SCN9A: variants seen among roughly 807,000 people sequenced by gnomAD.
SCN9A encodes the protein sodium voltage-gated channel alpha subunit 9.
A neutral mutation model predicts 187.0 loss-of-function variants in SCN9A; 131 were observed. The ratio of observed to expected loss-of-function variants is 0.70; its 90% CI spans 0.61 to 0.81. The LOEUF is 0.81. SCN9A is among the 30% of genes least tolerant of loss of function. The probability of loss-of-function intolerance (pLI) is 0.00; values close to 1 mark genes in which losing one functional copy is unlikely to be tolerated. For synonymous variants in SCN9A, 809 were observed against 808.6 expected (o/e 1.00, Z -0.01); for missense variants, 2,252 against 2,396.6 (o/e 0.94, Z 1.26).
At chr2:166,319,109 ATAAC>A (rs1324675424) in intron 1 of SCN9A, among the ~76,000 whole-genome samples, 5 of 152,054 alleles carry the variant, frequency 3.3e-5, no homozygotes, top group Admixed American at 6.6e-5. Flanking sequence ...CAAAAATAAG[ATAAC>A]TAACTAAAAA....
intron 11 of SCN9A, among the ~76,000 whole-genome samples, chr2:166,285,156 C>T (rs1398163511): frequency 2.0e-5 from 3 of 152,120 alleles, no homozygotes; most frequent in African/African-American, 7.2e-5. Flanking sequence ...CTTAGTATTG[C>T]TACTGGTCAT....
intron 20 of SCN9A, among the ~76,000 whole-genome samples, chr2:166,236,430 A>T (rs1479812894): frequency 2.7e-5 from 4 of 149,722 alleles, no homozygotes; most frequent in East Asian, 3.9e-4. Context: ...AATTATTATT[A>T]TTTTTTTTGA....
intron 21 of SCN9A, 120 bp downstream of exon 21, chr2:166,233,220 C>A: frequency 1.6e-6 from 1 of 625,242 alleles, no homozygotes; most frequent in Non-Finnish European, 2.5e-6. Flanking sequence ...CACACACATA[C>A]ATAAACAGCC....
chr2:166,308,848 C>G (rs2106530484), intron 2 of SCN9A, among the ~76,000 whole-genome samples: 2 of 147,884 alleles, frequency 1.4e-5, no homozygotes, highest in East Asian at 4.0e-4. Context: ...ATGGCGTGAA[C>G]CCGGGAGGCG....
At chr2:166,308,374 C>T (rs1181391724) in intron 2 of SCN9A, among the ~76,000 whole-genome samples, 2 of 152,028 alleles carry the variant, frequency 1.3e-5, no homozygotes, top group Admixed American at 6.6e-5. Context: ...ATCATGGGAG[C>T]GGTTTCCCCA....
At chr2:166,366,784 G>A (rs986499389) in intron 1 of SCN9A, among the ~76,000 whole-genome samples, 3 of 152,056 alleles carry the variant, frequency 2.0e-5, no homozygotes, top group Non-Finnish European at 2.9e-5. Flanking sequence ...AGATTGAGAC[G>A]TATCATAGAA....
At chr2:166,364,584 A>T (rs1376972660) in intron 1 of SCN9A, among the ~76,000 whole-genome samples, 1 of 152,194 alleles carries the variant, frequency 6.6e-6, no homozygotes, top group Non-Finnish European at 1.5e-5. Context: ...AGACATGAAA[A>T]GACAAATGCT....
At chr2:166,367,846 C>T (rs978842430) in intron 1 of SCN9A, among the ~76,000 whole-genome samples, 1 of 152,186 alleles carries the variant, frequency 6.6e-6, no homozygotes, top group African/African-American at 2.4e-5. Context: ...TTTGACTTAA[C>T]ACAATATACC....
intron 20 of SCN9A, 23 bp from the exon 21 acceptor site, chr2:166,233,485 A>T: frequency 1.3e-6 from 2 of 1,538,228 alleles, no homozygotes; most frequent in Non-Finnish European, 1.7e-6. Flanking sequence ...CATTTTCATT[A>T]ATTGTGTCAA....
chr2:166,337,815 G>T (rs1396787414), intron 1 of SCN9A, among the ~76,000 whole-genome samples: 1 of 152,044 alleles, frequency 6.6e-6, no homozygotes, highest in East Asian at 1.9e-4. Flanking sequence ...TCGGTAAAAT[G>T]AGTATGAAAA....
intron 18 of SCN9A, among the ~76,000 whole-genome samples, chr2:166,249,146 C>A (rs761841211): frequency 2.0e-5 from 3 of 152,092 alleles, no homozygotes; most frequent in Non-Finnish European, 2.9e-5. Context: ...CTTTACATCA[C>A]GGAAGAAACG....
At chr2:166,284,874 A>G (rs748206602) in intron 11 of SCN9A, 50 bp from the exon 12 acceptor site, 4 of 1,507,408 alleles carry the variant, frequency 2.7e-6, no homozygotes, top group Non-Finnish European at 3.5e-6. Context: ...TACTGATAGA[A>G]GTACACTTCA....
At chr2:166,357,311 A>G (rs1700173172) in intron 1 of SCN9A, among the ~76,000 whole-genome samples, 1 of 152,246 alleles carries the variant, frequency 6.6e-6, no homozygotes, top group South Asian at 2.1e-4. Flanking sequence ...TTGCCATAAT[A>G]AAATATTGCC....
Position 166,325,505 on chromosome 2 carries a change from A to G in SCN9A, c.-50-13699T>C, listed in dbSNP as rs150021077. On this transcript the variant is annotated intron_variant, in intron 1 of 26. Transcript: ENST00000642356. ...GAGTCACAATGTCTGAGTCCTAATTATACTTGAGAGTCATTATGTCTTATT... is the reference window on the plus strand; with the variant it reads ...GAGTCACAATGTCTGAGTCCTAATTGTACTTGAGAGTCATTATGTCTTATT... Among the ~76,000 whole-genome samples, 936 of 152,210 alleles carry G rather than the reference A, an allele frequency of 6.1e-3. 8 individuals are homozygous for G. Among genetic ancestry groups the G allele is most frequent in the African/African-American group, 0.021 (871 of 41,554 alleles).
At chr2:166,286,274 A>G in intron 11 of SCN9A, 62 bp downstream of exon 11, 3 of 1,493,228 alleles carry the variant, frequency 2.0e-6, no homozygotes, top group Non-Finnish European at 2.7e-6. Context: ...TTACCCTAAA[A>G]TAAGACATTT....
chr2:166,274,809 C>G (rs1697160540), intron 16 of SCN9A, among the ~76,000 whole-genome samples: 1 of 152,196 alleles, frequency 6.6e-6, no homozygotes, highest in South Asian at 2.1e-4. Flanking sequence ...AACTCTCACA[C>G]CAGTGTCCAT....
intron 20 of SCN9A, 54 bp from the exon 21 acceptor site, chr2:166,233,516 G>T: frequency 1.4e-6 from 2 of 1,451,364 alleles, no homozygotes; most frequent in Admixed American, 2.7e-5. Flanking sequence ...AAGCATAAAA[G>T]GAAAAAGTCA....
chr2:166,242,937 C>T (rs943437487), intron 18 of SCN9A, among the ~76,000 whole-genome samples: 5 of 152,002 alleles, frequency 3.3e-5, no homozygotes, highest in African/African-American at 9.7e-5. Flanking sequence ...GTCTTTAAAC[C>T]ACTTTCATTT....
At chr2:166,374,270 T>C (rs1447588767) in intron 1 of SCN9A, among the ~76,000 whole-genome samples, 1 of 152,218 alleles carries the variant, frequency 6.6e-6, no homozygotes, top group Non-Finnish European at 1.5e-5. Context: ...GCACAGTGGC[T>C]TACTTAAGGA....
Sources: gnomAD v4.1 joint callset for allele counts (sites outside exome capture counted in the v4.1 genomes callset) on GRCh38, gnomAD v4.1.1 for gene constraint, MANE v1.5 for transcripts, NCBI Gene and HGNC (gene_info 2026-07-23, HGNC 2026-07-21) for gene names.